The following SRD5A2 variants were observed in gnomAD, a reference collection of about 807,000 sequenced individuals.
SRD5A2 encodes 3-oxo-5-alpha-steroid 4-dehydrogenase 2.
Under a neutral mutation model 27.4 loss-of-function variants are expected in SRD5A2, and 30 were observed. The ratio of observed to expected loss-of-function variants is 1.10; its 90% confidence interval spans 0.82 to 1.49. The LOEUF (loss-of-function observed/expected upper bound fraction) is 1.49. Among genes scored for constraint, SRD5A2 ranks in the 40% most tolerant of loss-of-function variants. The pLI is 0.00. For missense variants in SRD5A2, 348 were observed against 323.4 expected (o/e 1.08, Z -0.58); for synonymous variants, 141 against 133.6 (o/e 1.06, Z -0.38).
chr2:31,598,887 T>G, the SRD5A2 span, among the ~76,000 whole-genome samples: 1 of 151,862 alleles, frequency 6.6e-6, no homozygotes, highest in African/African-American at 2.4e-5. Context: ...GCTGAATGGA[T>G]GAAAAAACAA....
intron 1 of SRD5A2, among the ~76,000 whole-genome samples, chr2:31,537,256 A>G (rs1666045649): frequency 6.6e-6 from 1 of 152,142 alleles, no homozygotes; most frequent in Admixed American, 6.5e-5. Flanking sequence ...TAGTAATTAC[A>G]CCTTTCTTGA....
rs781961035 is a variant in SRD5A2, at chr2:31,580,790, C to T, written c.111G>A (p.Thr37=). 61 of 1,612,060 alleles carry T rather than the reference C, an allele frequency of 3.8e-5. No individual in the cohort carries two copies. The highest frequency in any genetic ancestry group is 6.7e-5 in the East Asian group (3 of 44,858). The change falls in exon 1 of 5, where the codon ACG becomes ACA. Residue 37 remains threonine (T), a synonymous_variant. Transcript: ENST00000622030. ...GGGTAGCCGCCGGCTTCAGGCTCTC[C>T]GTGTGCTTCCCGTAGCCGGAGGGCT... ...VAKPSGYGKH[T]ESLKPAATRL... is the part of the protein sequence containing the mutation.
chr2:31,593,731 C>A, the SRD5A2 span, among the ~76,000 whole-genome samples: 1 of 152,046 alleles, frequency 6.6e-6, no homozygotes, highest in Non-Finnish European at 1.5e-5. Context: ...AGATAATCAC[C>A]AAGGAACATA....
intron 1 of SRD5A2, among the ~76,000 whole-genome samples, chr2:31,567,502 C>T (rs1666757614): frequency 6.8e-6 from 1 of 146,324 alleles, no homozygotes; most frequent in South Asian, 2.2e-4. Flanking sequence ...AGATATATTT[C>T]ATGTCACATG....
At chr2:31,549,124 A>ATTATTATTATTG (rs1470399061) in intron 1 of SRD5A2, among the ~76,000 whole-genome samples, 18 of 139,050 alleles carry the variant, frequency 1.3e-4, no homozygotes, top group Non-Finnish European at 2.4e-4. Context: ...TATTATTATT[A>ATTATTATTATTG]TTATTTAAGA....
chr2:31,547,189 C>T (rs1356254650), intron 1 of SRD5A2, among the ~76,000 whole-genome samples: 2 of 152,004 alleles, frequency 1.3e-5, no homozygotes, highest in Non-Finnish European at 2.9e-5. Context: ...AGAAATAAAC[C>T]CTAATATATA....
At chr2:31,649,787 T>A in the SRD5A2 span, among the ~76,000 whole-genome samples, 1 of 152,160 alleles carries the variant, frequency 6.6e-6, no homozygotes, top group Non-Finnish European at 1.5e-5. Flanking sequence ...CCATAGGATA[T>A]TCACATAATA....
chr2:31,611,288 C>T, the SRD5A2 span, among the ~76,000 whole-genome samples: 1 of 152,068 alleles, frequency 6.6e-6, no homozygotes, highest in Non-Finnish European at 1.5e-5. Flanking sequence ...AAAATAAATG[C>T]TGTCATTATT....
intron 1 of SRD5A2, among the ~76,000 whole-genome samples, chr2:31,549,127 A>ATTATTATTATTG (rs1452944814): frequency 7.0e-6 from 1 of 142,030 alleles, no homozygotes; most frequent in African/African-American, 2.6e-5. Flanking sequence ...TATTATTATT[A>ATTATTATTATTG]TTTAAGATGG....
the SRD5A2 span, among the ~76,000 whole-genome samples, chr2:31,632,938 G>A: frequency 1.3e-5 from 2 of 152,192 alleles, no homozygotes; most frequent in African/African-American, 4.8e-5. Context: ...CCTAACTTCC[G>A]AGGGAACACC....
chr2:31,561,063 G>T (rs1453244973), intron 1 of SRD5A2, among the ~76,000 whole-genome samples: 1 of 152,090 alleles, frequency 6.6e-6, no homozygotes, highest in Non-Finnish European at 1.5e-5. Context: ...ATAGAGAAAT[G>T]CCTCCCTGGG....
intron 1 of SRD5A2, among the ~76,000 whole-genome samples, chr2:31,571,407 C>T (rs1414237696): frequency 6.6e-6 from 1 of 152,054 alleles, no homozygotes; most frequent in Non-Finnish European, 1.5e-5. Flanking sequence ...AACCTAAAAC[C>T]ATAAACACCC....
chr2:31,540,582 A>C (rs1001417990), intron 1 of SRD5A2, among the ~76,000 whole-genome samples: 12 of 152,214 alleles, frequency 7.9e-5, no homozygotes, highest in Admixed American at 6.5e-4. Flanking sequence ...AACACGAGGA[A>C]TCTGTCTCCC....
chr2:31,594,739 C>T, the SRD5A2 span, among the ~76,000 whole-genome samples: 8 of 152,218 alleles, frequency 5.3e-5, no homozygotes, highest in Admixed American at 4.6e-4. Context: ...TTCTACCCAA[C>T]CAATGCAGAA....
the SRD5A2 span, among the ~76,000 whole-genome samples, chr2:31,640,839 T>A: frequency 6.6e-6 from 1 of 151,964 alleles, no homozygotes; most frequent in Admixed American, 6.6e-5. Flanking sequence ...GGGGCACTCA[T>A]GATGCTTCCT....
chr2:31,638,946 G>C, the SRD5A2 span, among the ~76,000 whole-genome samples: 4 of 151,922 alleles, frequency 2.6e-5, no homozygotes, highest in South Asian at 8.3e-4. Context: ...TCTTACTACT[G>C]CCATTTTGTT....
chr2:31,534,521 G>T (rs1037768905), intron 1 of SRD5A2, among the ~76,000 whole-genome samples: 2 of 152,060 alleles, frequency 1.3e-5, no homozygotes, highest in African/African-American at 4.8e-5. Context: ...ACACACAATT[G>T]GATCTTGAAG....
chr2:31,579,104 T>C (rs1003833660), intron 1 of SRD5A2, among the ~76,000 whole-genome samples: 16 of 152,234 alleles, frequency 1.1e-4, no homozygotes, highest in Non-Finnish European at 1.6e-4. Context: ...ATAAAATCTG[T>C]GTAAAATAAA....
the SRD5A2 span, among the ~76,000 whole-genome samples, chr2:31,626,200 T>C: frequency 6.6e-6 from 1 of 152,214 alleles, no homozygotes; most frequent in African/African-American, 2.4e-5. Context: ...TTTTTCCACA[T>C]TGATTTTGTA....
Sources: allele counts gnomAD v4.1 joint callset (sites outside exome capture counted in the v4.1 genomes callset), GRCh38; gene constraint gnomAD v4.1.1; transcripts MANE v1.5; gene names NCBI Gene and HGNC (gene_info 2026-07-23, HGNC 2026-07-21).